Variants in ZFPM1 observed in about 807,000 individuals in gnomAD.
The protein encoded by ZFPM1 is zinc finger protein ZFPM1.
A neutral mutation model predicts 46.3 loss-of-function variants in ZFPM1; 28 were observed. That is an observed-to-expected ratio of 0.60 (90% CI 0.45 to 0.83). The LOEUF is 0.83. Ranked by LOEUF, ZFPM1 falls within the 40% of genes least tolerant of loss-of-function variation. The pLI is 0.00. For missense variants in ZFPM1, 1,878 were observed against 1,432.4 expected (o/e 1.31, Z -5.02); for synonymous variants, 957 against 675.9 (o/e 1.42, Z -6.45).
intron 4 of ZFPM1, chr16:88,516,036 C>G (rs1402814494): frequency 2.5e-6 from 1 of 397,888 alleles, no homozygotes; most frequent in Non-Finnish European, 4.4e-6. Context: ...TCTGTGAGTT[C>G]CAGACACACC....
chr16:88,527,345 C>T (rs1228619198), intron 5 of ZFPM1, among the ~76,000 whole-genome samples: 1 of 152,124 alleles, frequency 6.6e-6, no homozygotes, highest in Non-Finnish European at 1.5e-5. Flanking sequence ...TCAAGGTGGC[C>T]GTCCAGGAAG....
At chr16:88,517,380 GTGGATGGGTGGATGCATGGGTAGA>G (rs1266192661) in intron 4 of ZFPM1, among the ~76,000 whole-genome samples, 1 of 151,168 alleles carries the variant, frequency 6.6e-6, no homozygotes, top group Non-Finnish European at 1.5e-5. Flanking sequence ...TGGATGATGG[GTGGATGGGTGGATGCATGGGTAGA>G]TGGATGGGTG....
intron 1 of ZFPM1, among the ~76,000 whole-genome samples, chr16:88,481,404 C>T (rs527290618): frequency 6.6e-6 from 1 of 152,182 alleles, no homozygotes; most frequent in African/African-American, 2.4e-5. Flanking sequence ...GCCCCAAGTT[C>T]CTGTCCCACC....
At chr16:88,503,995 C>A (rs1289584141) in intron 3 of ZFPM1, among the ~76,000 whole-genome samples, 2 of 152,062 alleles carry the variant, frequency 1.3e-5, no homozygotes, top group Admixed American at 6.5e-5. Flanking sequence ...CTCACCAGCA[C>A]CTGCCTGGGT....
In ZFPM1 at chr16:88,453,519, G is replaced by A. The variant is rs1327855835; in HGVS notation, c.-120G>A. 2.5e-6 allele frequency: 1 copy of A among 395,454 alleles called. No individual in the cohort carries two copies. The highest frequency in any genetic ancestry group is 3.4e-6 in the Non-Finnish European group (1 of 294,386). The allele number at this position is 395,454 out of a possible 1,614,324, so 24.5% of individuals were successfully genotyped here. ...CGGGCTGGGGGCGCGGGCCGGGGCGGCCGCGGAGACCGGGGGCCGGGGGCA... is the reference window on the plus strand; with the variant it reads ...CGGGCTGGGGGCGCGGGCCGGGGCGACCGCGGAGACCGGGGGCCGGGGGCA... On this transcript the variant is annotated 5_prime_UTR_variant, in exon 1 of 10. Coordinates refer to ENST00000319555, the MANE Select transcript of ZFPM1 (RefSeq NM_153813.3).
In ZFPM1 at chr16:88,508,703, C is replaced by T. The variant is rs140504006; in HGVS notation, c.269-5684C>T. ...GGCTGCAGAGGGGACACAGAGTTTG[C>T]GCGGAGGTCACGGGGTGGGGGAGGA... On this transcript the variant is annotated intron_variant, in intron 3 of 9. Transcript: ENST00000319555. 2.6e-3 allele frequency among the ~76,000 whole-genome samples: 402 copies of T among 152,324 alleles called. 2 individuals are homozygous for T. The highest frequency in any genetic ancestry group is 3.8e-3 in the Non-Finnish European group (257 of 68,022).
At chr16:88,501,922 A>T (rs964019336) in intron 3 of ZFPM1, among the ~76,000 whole-genome samples, 1 of 152,078 alleles carries the variant, frequency 6.6e-6, no homozygotes, top group African/African-American at 2.4e-5. Flanking sequence ...ACTGAGGCCC[A>T]GTGAGTTCAC....
At chr16:88,516,070 TC>T (rs935753289) in intron 4 of ZFPM1, 3 of 398,248 alleles carry the variant, frequency 7.5e-6, no homozygotes, top group Non-Finnish European at 1.3e-5. Context: ...CACTTCCTCC[TC>T]CCCGCACCCT....
Position 88,531,993 on chromosome 16 carries a change from AC to A in ZFPM1, c.713-5del. ...TTCAGCCTGACCCCGCCTGCTTCCCACCCCACAGAAGACGTCTTCCCCTGCA... is the reference window on the plus strand; with the variant it reads ...TTCAGCCTGACCCCGCCTGCTTCCCACCCACAGAAGACGTCTTCCCCTGCA... On this transcript the variant is annotated splice_polypyrimidine_tract_variant and splice_region_variant and intron_variant, in intron 6 of 9. Transcript: ENST00000319555. 4 of 1,586,908 alleles carry A rather than the reference AC, an allele frequency of 2.5e-6. No homozygotes were observed. Among genetic ancestry groups the A allele is most frequent in the Non-Finnish European group, 3.4e-6 (4 of 1,162,846 alleles).
At position 88,517,047 on chromosome 16, in the gene ZFPM1, A is replaced by G. The variant is rs557232975; in HGVS notation, c.402+2527A>G. ...CTGGGGCAGGTCGCTTCCCTGATGC[A>G]GCAACAGCTCCCACCCCTGCCACGC... is the stretch of plus-strand genomic sequence containing the variant. On this transcript the variant is annotated intron_variant, in intron 4 of 9. Transcript: ENST00000319555. Among the ~76,000 whole-genome samples, 958 of 152,284 alleles carry G rather than the reference A, an allele frequency of 6.3e-3. 7 individuals carry two copies. Among genetic ancestry groups the G allele is most frequent in the African/African-American group, 0.022 (911 of 41,552 alleles).
chr16:88,533,327 G>A lies in ZFPM1; in HGVS notation c.1369G>A (p.Ala457Thr). ...AQNGGSSEPP[A>T]APRSIKVEAV... ...GAATGGAGGCAGCAGCGAGCCCCCGGCGGCCCCCAGGAGCATCAAGGTGGA... is the reference window on the plus strand; with the variant it reads ...GAATGGAGGCAGCAGCGAGCCCCCGACGGCCCCCAGGAGCATCAAGGTGGA... The change falls in exon 10 of 10, where the codon GCG (alanine) becomes ACG (threonine). Residue 457 changes from alanine to threonine, a missense_variant. Physicochemically the swap from Ala to Thr is moderately conservative, Grantham distance 58. Coordinates refer to ENST00000319555, the MANE Select transcript of ZFPM1 (RefSeq NM_153813.3). The A allele has an allele frequency of 3.3e-6, 5 of 1,531,220 alleles. No individual in the cohort carries two copies. Among genetic ancestry groups the A allele is most frequent in the Non-Finnish European group, 4.4e-6 (5 of 1,142,854 alleles). The allele number at this position is 1,531,220 out of a possible 1,614,324, so 94.9% of individuals were successfully genotyped here.
intron 6 of ZFPM1, among the ~76,000 whole-genome samples, chr16:88,531,761 T>A (rs550651355): frequency 2.0e-5 from 3 of 152,234 alleles, no homozygotes; most frequent in African/African-American, 7.2e-5. Context: ...AGGGGACCCA[T>A]AGGGGTTCAC....
At chr16:88,460,449 A>G (rs947427602) in intron 1 of ZFPM1, among the ~76,000 whole-genome samples, 9 of 152,140 alleles carry the variant, frequency 5.9e-5, no homozygotes, top group African/African-American at 2.2e-4. Flanking sequence ...CAATGGGCAT[A>G]CCCATTTTTC....
intron 1 of ZFPM1, among the ~76,000 whole-genome samples, chr16:88,468,452 G>A (rs935643996): frequency 2.0e-4 from 31 of 152,180 alleles, no homozygotes; most frequent in Non-Finnish European, 3.8e-4. Flanking sequence ...GCCGGCCTTG[G>A]AGAGGGGTTG....
chr16:88,534,108 C>T lies in ZFPM1; in HGVS notation c.2150C>T (p.Pro717Leu), dbSNP rs745720093. The change falls in exon 10 of 10, where the codon CCG becomes CTG. Residue 717 changes from proline (P) to leucine (L), a missense_variant. By Grantham distance (98) the Pro-to-Leu change is moderately conservative. Transcript: ENST00000319555. ...ASRHDPPPRRPAAPPGPPGPA... is the reference protein window; with the variant it reads ...ASRHDPPPRRLAAPPGPPGPA... ...CGCCACGACCCGCCGCCGCGCCGAC[C>T]GGCCGCGCCCCCGGGACCCCCTGGG... 2.5e-5 allele frequency: 29 copies of T among 1,143,518 alleles called. No homozygotes were observed. In the South Asian group the frequency reaches 4.9e-4, roughly 19 times the overall value. 70.8% of individuals were successfully genotyped at this position (1,143,518 alleles called of 1,614,324 possible). A position where few individuals can be genotyped will look rare whatever the true frequency, so the allele number is the denominator to read the frequency against.
intron 3 of ZFPM1, among the ~76,000 whole-genome samples, chr16:88,498,994 G>C (rs1425151549): frequency 6.6e-6 from 1 of 152,198 alleles, no homozygotes; most frequent in Non-Finnish European, 1.5e-5. Context: ...GCCTCTCCAC[G>C]CAAGGCCCTG....
At chr16:88,455,640 C>G (rs550622351) in intron 1 of ZFPM1, among the ~76,000 whole-genome samples, 1 of 152,122 alleles carries the variant, frequency 6.6e-6, no homozygotes, top group African/African-American at 2.4e-5. Flanking sequence ...CCCACCCGCG[C>G]CCCCATCAAA....
chr16:88,475,768 G>C (rs1013256183), intron 1 of ZFPM1, among the ~76,000 whole-genome samples: 1 of 152,202 alleles, frequency 6.6e-6, no homozygotes, highest in Non-Finnish European at 1.5e-5. Context: ...CCTCTGCTTA[G>C]GGAGGGGCTG....
At chr16:88,512,240 A>C (rs1438873584) in intron 3 of ZFPM1, among the ~76,000 whole-genome samples, 2 of 152,124 alleles carry the variant, frequency 1.3e-5, no homozygotes, top group East Asian at 3.9e-4. Context: ...CCACTTCCCC[A>C]TGAGGGCAGG....
Sources: allele counts gnomAD v4.1 joint callset (sites outside exome capture counted in the v4.1 genomes callset), GRCh38; gene constraint gnomAD v4.1.1; transcripts MANE v1.5; gene names NCBI Gene and HGNC (gene_info 2026-07-23, HGNC 2026-07-21).